SIPA1L2: variants seen among roughly 807,000 people sequenced by gnomAD.
The protein encoded by SIPA1L2 is signal induced proliferation associated 1 like 2.
In SIPA1L2, 56 loss-of-function variants were observed where a neutral mutation model predicts 163.9. The observed-to-expected ratio is 0.34, with a 90% CI of 0.28 to 0.43. The LOEUF is 0.43. SIPA1L2 is among the 20% of genes least tolerant of loss of function. The pLI is 1.00. For synonymous variants in SIPA1L2, 877 were observed against 865.7 expected, an observed-to-expected ratio of 1.01 and a Z score of -0.23; for missense variants, 1,974 against 2,193.5, an observed-to-expected ratio of 0.90 and a Z score of 2.00.
intron 10 of SIPA1L2, among the ~76,000 whole-genome samples, chr1:232,456,316 T>A (rs1451664594): frequency 6.6e-6 from 1 of 152,190 alleles, no homozygotes; most frequent in Non-Finnish European, 1.5e-5. Context: ...CTCTGCATAC[T>A]TCAGGGAGTT....
intron 5 of SIPA1L2, among the ~76,000 whole-genome samples, chr1:232,485,364 T>C (rs979750383): frequency 4.6e-5 from 7 of 152,144 alleles, no homozygotes; most frequent in Non-Finnish European, 8.8e-5. Context: ...ATGGTGTGCA[T>C]ACACTACTCA....
At chr1:232,550,608 T>C (rs972739695) in intron 2 of SIPA1L2, among the ~76,000 whole-genome samples, 3 of 152,200 alleles carry the variant, frequency 2.0e-5, no homozygotes, top group African/African-American at 7.2e-5. Flanking sequence ...GCTACTATGA[T>C]CAAAATTAGC....
intron 2 of SIPA1L2, among the ~76,000 whole-genome samples, chr1:232,525,636 C>A (rs773444964): frequency 6.6e-6 from 1 of 152,192 alleles, no homozygotes; most frequent in South Asian, 2.1e-4. Flanking sequence ...CTGCTCATGT[C>A]GTAGACAGCA....
chr1:232,419,957 CCTTCA>C (rs1348526825), intron 18 of SIPA1L2, among the ~76,000 whole-genome samples: 8 of 152,154 alleles, frequency 5.3e-5, no homozygotes, highest in South Asian at 2.1e-4. Flanking sequence ...CAAGTTCTAT[CCTTCA>C]AAGAGCCCTG....
chr1:232,553,562 T>C (rs1002349084), intron 2 of SIPA1L2, among the ~76,000 whole-genome samples: 8 of 152,174 alleles, frequency 5.3e-5, no homozygotes, highest in African/African-American at 1.4e-4. Context: ...ACGTTGTCTC[T>C]GGCCTCAGCT....
At chr1:232,559,518 T>C (rs1658911264) in intron 2 of SIPA1L2, among the ~76,000 whole-genome samples, 1 of 152,044 alleles carries the variant, frequency 6.6e-6, no homozygotes, top group Non-Finnish European at 1.5e-5. Context: ...AAAAATACTA[T>C]TTATAAAGAC....
At chr1:232,400,402 G>T (rs1380887628) in intron 22 of SIPA1L2, among the ~76,000 whole-genome samples, 2 of 152,124 alleles carry the variant, frequency 1.3e-5, no homozygotes, top group Non-Finnish European at 2.9e-5. Context: ...CCTTGTGCAC[G>T]CTCAGTCTCT....
At chr1:232,423,687 T>A (rs767799826) in intron 18 of SIPA1L2, among the ~76,000 whole-genome samples, 1 of 152,242 alleles carries the variant, frequency 6.6e-6, no homozygotes, top group Admixed American at 6.5e-5. Context: ...GAATGAACAG[T>A]ATAACTTGAC....
intron 9 of SIPA1L2, among the ~76,000 whole-genome samples, chr1:232,462,917 A>G (rs1664315681): frequency 6.6e-6 from 1 of 151,872 alleles, no homozygotes; most frequent in African/African-American, 2.4e-5. Context: ...CCCTCTGTTT[A>G]TTGCTTCCTA....
intron 2 of SIPA1L2, among the ~76,000 whole-genome samples, chr1:232,544,626 C>T (rs1447018245): frequency 6.6e-6 from 1 of 151,672 alleles, no homozygotes; most frequent in Non-Finnish European, 1.5e-5. Context: ...TCTGCTCTAA[C>T]ATATTTGACA....
At position 232,532,267 on chromosome 1, in the gene SIPA1L2, A is replaced by G. The variant is rs111422982; in HGVS notation, c.-269-16659T>C. Among the ~76,000 whole-genome samples, 85 of 152,318 alleles carry G rather than the reference A, an allele frequency of 5.6e-4. 1 individual carries two copies. Among genetic ancestry groups the G allele is most frequent in the African/African-American group, 1.9e-3 (81 of 41,566 alleles). ...ATGGGCTGAGCAGGAGAACAAGAAA[A>G]GTCAAGAATGACTCCAGGATTTTTG... is the stretch of plus-strand genomic sequence containing the variant. On this transcript the variant is annotated intron_variant, in intron 2 of 22. Transcript: ENST00000674635.
chr1:232,425,587 A>G lies in SIPA1L2; in HGVS notation c.4630+2T>C. On this transcript the variant is annotated splice_donor_variant, in intron 18 of 22. Coordinates refer to ENST00000674635, the MANE Select transcript of SIPA1L2 (RefSeq NM_020808.5). LOFTEE classifies it high-confidence loss of function. ...CCAGGGAGCAGCCAGCCCCTCACTTACTTCTCAGGCTCCCCATGCTGGGTG... is the reference window on the plus strand; with the variant it reads ...CCAGGGAGCAGCCAGCCCCTCACTTGCTTCTCAGGCTCCCCATGCTGGGTG... 1 of 1,569,052 alleles carries G rather than the reference A, an allele frequency of 6.4e-7. No homozygotes were observed. The highest frequency in any genetic ancestry group is 8.7e-7 in the Non-Finnish European group (1 of 1,152,952).
chr1:232,624,499 A>G (rs1419168183), intron 1 of SIPA1L2, among the ~76,000 whole-genome samples: 2 of 152,182 alleles, frequency 1.3e-5, no homozygotes, highest in African/African-American at 4.8e-5. Flanking sequence ...TTTCTTTTAA[A>G]ACTCCACACA....
intron 2 of SIPA1L2, among the ~76,000 whole-genome samples, chr1:232,556,694 C>G (rs1341703155): frequency 6.7e-6 from 1 of 150,228 alleles, no homozygotes; most frequent in Non-Finnish European, 1.5e-5. Flanking sequence ...CTTTGTAAAA[C>G]TAGGGATCTT....
At chr1:232,468,405 G>A (rs1664633035) in intron 8 of SIPA1L2, among the ~76,000 whole-genome samples, 1 of 152,206 alleles carries the variant, frequency 6.6e-6, no homozygotes, top group South Asian at 2.1e-4. Flanking sequence ...GAGCAAACTG[G>A]AGTCAGGTAA....
chr1:232,558,018 C>G (rs6700794), intron 2 of SIPA1L2, among the ~76,000 whole-genome samples: 3 of 152,142 alleles, frequency 2.0e-5, no homozygotes, highest in African/African-American at 7.2e-5. Flanking sequence ...AAAACAAAAG[C>G]CTTGCTGGAA....
intron 2 of SIPA1L2, among the ~76,000 whole-genome samples, chr1:232,563,395 G>A (rs969707470): frequency 1.3e-5 from 2 of 152,086 alleles, no homozygotes; most frequent in Non-Finnish European, 2.9e-5. Context: ...AGAGGAATGC[G>A]GGGGGACCTA....
intron 1 of SIPA1L2, among the ~76,000 whole-genome samples, chr1:232,618,978 C>T (rs1378511900): frequency 6.6e-6 from 1 of 152,104 alleles, no homozygotes; most frequent in Non-Finnish European, 1.5e-5. Context: ...TAATTATCAC[C>T]ACTTTGAAAA....
intron 2 of SIPA1L2, among the ~76,000 whole-genome samples, chr1:232,524,553 A>G (rs1334068326): frequency 4.6e-5 from 7 of 152,222 alleles, no homozygotes; most frequent in Non-Finnish European, 4.4e-5. Context: ...TAAGAAAATT[A>G]AAAACTTATA....
Sources: gnomAD v4.1 joint callset for allele counts (sites outside exome capture counted in the v4.1 genomes callset) on GRCh38, gnomAD v4.1.1 for gene constraint, MANE v1.5 for transcripts, NCBI Gene and HGNC (gene_info 2026-07-23, HGNC 2026-07-21) for gene names.